The following CD1B variants were observed in gnomAD, a reference collection of about 807,000 sequenced individuals.
CD1B encodes the protein CD1b molecule.
Under a neutral mutation model 39.8 loss-of-function variants are expected in CD1B, and 43 were observed. The observed-to-expected ratio is 1.08, with a 90% CI of 0.85 to 1.39. The LOEUF (loss-of-function observed/expected upper bound fraction) is 1.39. Among genes scored for constraint, CD1B ranks in the 40% most tolerant of loss-of-function variants. The pLI, the probability that CD1B is intolerant of heterozygous loss-of-function variation, is 0.00. For missense variants in CD1B, 495 were observed against 403.8 expected (o/e 1.23, Z -1.94); for synonymous variants, 192 against 152.5 (o/e 1.26, Z -1.91).
rs1184478840 is a variant in CD1B, at chr1:158,329,899, T to C, written c.560A>G (p.Tyr187Cys). ...RILLYETCPR[Y>C]LLGVLNAGKA... Reference sequence around the variant, plus strand: ...TCCTGCATTGAGGACGCCCAAGAGATATCGGGGGCAGGTTTCATAGAGGAG... The same window carrying C: ...TCCTGCATTGAGGACGCCCAAGAGACATCGGGGGCAGGTTTCATAGAGGAG... Residue 187 changes from tyrosine to cysteine, a missense_variant, in exon 3 of 6, where the codon TAT becomes TGT. Physicochemically the swap from Tyr to Cys is radical, Grantham distance 194 (BLOSUM62 -2). Coordinates refer to ENST00000368168, the MANE Select transcript of CD1B (RefSeq NM_001764.3). The C allele has an allele frequency of 1.2e-6, 2 of 1,614,142 alleles. No individual in the cohort carries two copies. Among genetic ancestry groups the C allele is most frequent in the Admixed American group, 1.7e-5 (1 of 60,016 alleles).
chr1:158,291,311 A>C, the CD1B span: 5 of 1,614,084 alleles, frequency 3.1e-6, no homozygotes, highest in East Asian at 2.2e-5. Flanking sequence ...AGCAATGAAG[A>C]GTTGTCAGAC....
the CD1B span, chr1:158,293,627 GGAAT>G: frequency 6.4e-7 from 1 of 1,573,146 alleles, no homozygotes; most frequent in Non-Finnish European, 8.7e-7. Context: ...ATTCTAATTT[GGAAT>G]GTTTTTCTTG....
the CD1B span, among the ~76,000 whole-genome samples, chr1:158,297,022 C>T: frequency 6.6e-6 from 1 of 152,070 alleles, no homozygotes; most frequent in African/African-American, 2.4e-5. Context: ...CAATTGAAAA[C>T]ATATATGAGG....
chr1:158,286,049 C>G, the CD1B span, among the ~76,000 whole-genome samples: 1 of 151,908 alleles, frequency 6.6e-6, no homozygotes, highest in Non-Finnish European at 1.5e-5. Flanking sequence ...CAAAAGTCAC[C>G]CACTAGAGTG....
At chr1:158,293,487 C>G in the CD1B span, 1 of 1,614,132 alleles carries the variant, frequency 6.2e-7, no homozygotes. Flanking sequence ...GACTCTTCCC[C>G]CTGACTCCCC....
At chr1:158,293,511 A>C in the CD1B span, 2 of 1,613,904 alleles carry the variant, frequency 1.2e-6, no homozygotes, top group Admixed American at 1.7e-5. Context: ...TGTGTTAAGA[A>C]CCCAGCAACC....
the CD1B span, among the ~76,000 whole-genome samples, chr1:158,312,511 T>C: frequency 1.3e-5 from 2 of 152,174 alleles, no homozygotes; most frequent in East Asian, 3.8e-4. Flanking sequence ...TTTCCAATAA[T>C]TTTTGTCCTT....
At chr1:158,320,509 G>A in the CD1B span, among the ~76,000 whole-genome samples, 56 of 152,154 alleles carry the variant, frequency 3.7e-4, no homozygotes, top group South Asian at 2.5e-3. Context: ...GCCTCACCCC[G>A]CTTCAGCTGG....
the CD1B span, among the ~76,000 whole-genome samples, chr1:158,315,426 A>C: frequency 0.32 from 48,596 of 150,156 alleles, 8,324 homozygotes; most frequent in African/African-American, 0.43. Flanking sequence ...AGCATTTTTT[A>C]ATGTGTTTTT....
chr1:158,310,398 C>T, the CD1B span, among the ~76,000 whole-genome samples: 1 of 152,224 alleles, frequency 6.6e-6, no homozygotes, highest in East Asian at 1.9e-4. Flanking sequence ...CCATTCTGGA[C>T]ATAGGCCCTG....
chr1:158,309,082 T>C, the CD1B span, among the ~76,000 whole-genome samples: 1 of 152,156 alleles, frequency 6.6e-6, no homozygotes, highest in Non-Finnish European at 1.5e-5. Context: ...AACCTACTCA[T>C]CTGACAAAGG....
the CD1B span, among the ~76,000 whole-genome samples, chr1:158,289,060 C>A: frequency 6.6e-6 from 1 of 152,188 alleles, no homozygotes; most frequent in Non-Finnish European, 1.5e-5. Context: ...AGTTGAGATG[C>A]ATGCTGTTCT....
At chr1:158,291,496 TC>T in the CD1B span, 1 of 1,252,922 alleles carries the variant, frequency 8.0e-7, no homozygotes, top group Non-Finnish European at 1.1e-6. Flanking sequence ...CATTATCCCA[TC>T]CCACCATAAA....
chr1:158,312,227 T>C, the CD1B span, among the ~76,000 whole-genome samples: 4 of 152,138 alleles, frequency 2.6e-5, no homozygotes, highest in East Asian at 5.8e-4. Flanking sequence ...TGGGAGATAA[T>C]TGAATCATGG....
the CD1B span, chr1:158,293,554 C>T: frequency 7.6e-5 from 123 of 1,613,752 alleles, no homozygotes; most frequent in East Asian, 2.2e-4. Flanking sequence ...GATGCCATCC[C>T]GTCGACTCTC....
downstream of CD1B, among the ~76,000 whole-genome samples, chr1:158,327,245 A>G (rs1652388791): frequency 2.0e-5 from 3 of 152,126 alleles, no homozygotes; most frequent in Admixed American, 2.0e-4. Flanking sequence ...CAGAGCATTG[A>G]TTGGTGCATT....
chr1:158,305,268 G>A, the CD1B span, among the ~76,000 whole-genome samples: 3 of 152,150 alleles, frequency 2.0e-5, no homozygotes, highest in Admixed American at 6.6e-5. Context: ...GAAAACAAAG[G>A]CAAGAGAACT....
chr1:158,302,162 A>C, the CD1B span, among the ~76,000 whole-genome samples: 1 of 152,184 alleles, frequency 6.6e-6, no homozygotes, highest in African/African-American at 2.4e-5. Context: ...ATACAATTAA[A>C]TAGCAATTAA....
chr1:158,285,484 T>C, the CD1B span, among the ~76,000 whole-genome samples: 1 of 152,082 alleles, frequency 6.6e-6, no homozygotes, highest in Non-Finnish European at 1.5e-5. Context: ...GAATTGGTGA[T>C]AAGATAGAGA....
Sources: allele counts gnomAD v4.1 joint callset (sites outside exome capture counted in the v4.1 genomes callset), GRCh38; gene constraint gnomAD v4.1.1; transcripts MANE v1.5; gene names NCBI Gene and HGNC (gene_info 2026-07-23, HGNC 2026-07-21).